Variants in GLS observed in about 807,000 individuals in gnomAD.
GLS encodes the protein glutaminase.
GLS carries 36 observed loss-of-function variants against 86.7 expected under a neutral mutation model. The observed-to-expected ratio is 0.42, with a 90% CI of 0.32 to 0.55. The LOEUF (loss-of-function observed/expected upper bound fraction) is 0.55. GLS is among the 20% of genes least tolerant of loss of function. GLS has a pLI of 0.17. For missense variants in GLS, 528 were observed against 833.4 expected (o/e 0.63, Z 4.51); for synonymous variants, 317 against 305.9 (o/e 1.04, Z -0.38).
intron 14 of GLS, among the ~76,000 whole-genome samples, chr2:190,940,783 C>T (rs560589483): frequency 1.3e-5 from 2 of 150,858 alleles, no homozygotes; most frequent in South Asian, 4.2e-4. Flanking sequence ...ATTTTGTTCT[C>T]CTCATGTTGT....
chr2:190,937,666 T>C (rs191303345), intron 14 of GLS, among the ~76,000 whole-genome samples: 2 of 151,234 alleles, frequency 1.3e-5, no homozygotes, highest in South Asian at 2.1e-4. Flanking sequence ...GTAGATCTAC[T>C]TTAGTAATTT....
chr2:190,951,162 T>C lies in GLS; in HGVS notation c.1651-2403T>C, dbSNP rs968416133. ...GTAGTATTTGGCAGTGGAAAGTGGG[T>C]AATGAATCTGCAAAGCAGCAAACAG... On this transcript the variant is annotated intron_variant, in intron 14 of 17. Transcript: ENST00000320717. This position sits in a 1 kb window ranked among gnomAD's most constrained non-coding sequence, Gnocchi z 4.2. 7.2e-5 allele frequency among the ~76,000 whole-genome samples: 11 copies of C among 152,092 alleles called. No individual in the cohort carries two copies. Among genetic ancestry groups the C allele is most frequent in the Admixed American group, 4.6e-4 (7 of 15,256 alleles).
rs746633427 is a variant in GLS at position 190,900,576 on chromosome 2, C to T, written c.618C>T (p.Ser206=). 14 of 1,598,168 alleles carry T rather than the reference C, an allele frequency of 8.8e-6. No homozygotes were observed. The highest frequency in any genetic ancestry group is 6.7e-5 in the Admixed American group (4 of 59,786). ...DKDLFKKCVQ[S]NIVLLTQAFR... ...TTACATTCTACAGATGTGTTCAGAG[C>T]AACATTGTTTTGTTGACACAAGCAT... is the stretch of plus-strand genomic sequence containing the variant. Residue 206 remains serine, a synonymous_variant, in exon 4 of 18, where the codon AGC becomes AGT. Transcript: ENST00000320717.
chr2:190,950,939 A>G (rs1287262051), intron 14 of GLS, among the ~76,000 whole-genome samples: 1 of 152,222 alleles, frequency 6.6e-6, no homozygotes, highest in East Asian at 1.9e-4. Context: ...GCAGATGGCT[A>G]TGAACTGGAG....
At chr2:190,946,700 C>A (rs562570271) in intron 14 of GLS, among the ~76,000 whole-genome samples, 2 of 152,256 alleles carry the variant, frequency 1.3e-5, no homozygotes, top group African/African-American at 4.8e-5. Context: ...TTCTCCCTTT[C>A]TTCCTTTTCT....
At chr2:190,903,898 T>A (rs1295481392) in intron 5 of GLS, among the ~76,000 whole-genome samples, 2 of 152,222 alleles carry the variant, frequency 1.3e-5, no homozygotes. Flanking sequence ...TTGTGATGTG[T>A]TGGGACATTG....
rs1232641612 is a variant in GLS, at chr2:190,956,409, T to C, written c.1853+1591T>C. On this transcript the variant is annotated intron_variant, in intron 17 of 17. Coordinates refer to ENST00000320717, the MANE Select transcript of GLS (RefSeq NM_014905.5). This position sits in a 1 kb window ranked among gnomAD's most constrained non-coding sequence, Gnocchi z 4.2. ...TCAGGTTTGTCAAAGATCAGATGGT[T>C]GTAGATGTGTGCTGTTATTTCTGAG... 6.6e-6 allele frequency among the ~76,000 whole-genome samples: 1 copy of C among 152,200 alleles called. No individual in the cohort carries two copies. Among genetic ancestry groups the C allele is most frequent in the Non-Finnish European group, 1.5e-5 (1 of 68,042 alleles).
At position 190,962,822 on chromosome 2, in the gene GLS, G is replaced by A. The variant is rs143643056; in HGVS notation, c.1854-8G>A. On this transcript the variant is annotated splice_polypyrimidine_tract_variant and splice_region_variant and intron_variant, in intron 17 of 17. Transcript: ENST00000320717. The surrounding 1 kb of genome is among the most constrained non-coding windows in gnomAD (Gnocchi z 4.2). ...AATGACCCTGTCCATGCTGTGCTACGTGTTTAGGTGGAATAACACTCCCAT... is the reference window on the plus strand; with the variant it reads ...AATGACCCTGTCCATGCTGTGCTACATGTTTAGGTGGAATAACACTCCCAT... 2.1e-4 allele frequency: 316 copies of A among 1,505,894 alleles called. No individual in the cohort carries two copies. The highest frequency in any genetic ancestry group is 2.6e-4 in the Non-Finnish European group (298 of 1,128,860). 93.3% of individuals were successfully genotyped at this position (1,505,894 alleles called of 1,614,324 possible). A position where few individuals can be genotyped will look rare whatever the true frequency, so the allele number is the denominator to read the frequency against.
Position 190,920,716 on chromosome 2 carries a change from A to G in GLS, c.1039-308A>G, listed in dbSNP as rs1689702340. On this transcript the variant is annotated intron_variant, in intron 7 of 17. Coordinates refer to ENST00000320717, the MANE Select transcript of GLS (RefSeq NM_014905.5). The surrounding 1 kb of genome is among the most constrained non-coding windows in gnomAD (Gnocchi z 4.2). Reference sequence around the variant, plus strand: ...AATAAATAACACATTTTAGCAAATTATGTGCTGTCATGAAAGATAAGGGAA... The same window carrying G: ...AATAAATAACACATTTTAGCAAATTGTGTGCTGTCATGAAAGATAAGGGAA... Among the ~76,000 whole-genome samples the G allele has an allele frequency of 6.6e-6, 1 of 151,768 alleles. No individual in the cohort carries two copies. The highest frequency in any genetic ancestry group is 6.6e-5 in the Admixed American group (1 of 15,250).
Position 190,962,120 on chromosome 2 carries a change from C to G in GLS, c.1854-710C>G, listed in dbSNP as rs1314335559. On this transcript the variant is annotated intron_variant, in intron 17 of 17. Coordinates refer to ENST00000320717, the MANE Select transcript of GLS (RefSeq NM_014905.5). The surrounding 1 kb of genome is among the most constrained non-coding windows in gnomAD (Gnocchi z 4.2). Reference sequence around the variant, plus strand: ...ACCACTTCTGGCAAGTGATTAACCACTTCTGGCAACTCTTCATTTCTTCTT... The same window carrying G: ...ACCACTTCTGGCAAGTGATTAACCAGTTCTGGCAACTCTTCATTTCTTCTT... Among the ~76,000 whole-genome samples, 2 of 152,232 alleles carry G rather than the reference C, an allele frequency of 1.3e-5. No homozygotes were observed. The highest frequency in any genetic ancestry group is 1.9e-4 in the East Asian group (1 of 5,196).
At chr2:190,931,919 T>TTAAGTGACA (rs1379669603) in intron 14 of GLS, among the ~76,000 whole-genome samples, 1 of 152,016 alleles carries the variant, frequency 6.6e-6, no homozygotes, top group South Asian at 2.1e-4. Context: ...CCTTCCATTT[T>TTAAGTGACA]CTGCTATTTT....
rs1469022574 is a variant in GLS at position 190,956,548 on chromosome 2, T to C, written c.1853+1730T>C. Among the ~76,000 whole-genome samples the C allele has an allele frequency of 1.3e-5, 2 of 152,190 alleles. No individual in the cohort carries two copies. The highest frequency in any genetic ancestry group is 4.8e-5 in the African/African-American group (2 of 41,442). On this transcript the variant is annotated intron_variant, in intron 17 of 17. Coordinates refer to ENST00000320717, the MANE Select transcript of GLS (RefSeq NM_014905.5). The surrounding 1 kb of genome is among the most constrained non-coding windows in gnomAD (Gnocchi z 4.2). Reference sequence around the variant, plus strand: ...AGTCAGGTAGCGTGATGCCTCCAGCTTTCTTCTTTTTGCTTAGGATCGTCT... The same window carrying C: ...AGTCAGGTAGCGTGATGCCTCCAGCCTTCTTCTTTTTGCTTAGGATCGTCT...
rs528129991 is a variant in GLS at position 190,905,521 on chromosome 2, G to A, written c.979+354G>A. On this transcript the variant is annotated intron_variant, in intron 6 of 17. Coordinates refer to ENST00000320717, the MANE Select transcript of GLS (RefSeq NM_014905.5). This position sits in a 1 kb window ranked among gnomAD's most constrained non-coding sequence, Gnocchi z 4.6. ...GGTAATTATTGCAGCTAAATGATAGGTGCATGGGTGTTTGTATATTATTCT... is the reference window on the plus strand; with the variant it reads ...GGTAATTATTGCAGCTAAATGATAGATGCATGGGTGTTTGTATATTATTCT... Among the ~76,000 whole-genome samples, 10 of 152,156 alleles carry A rather than the reference G, an allele frequency of 6.6e-5. No homozygotes were observed. The East Asian group carries it at 1.7e-3, about 26-fold the overall frequency.
chr2:190,953,950 ATGTG>A lies in GLS; in HGVS notation c.1712+367_1712+370del, dbSNP rs57991546. Among the ~76,000 whole-genome samples the A allele has an allele frequency of 0.099, 13,486 of 136,566 alleles. 601 individuals carry two copies. Among genetic ancestry groups the A allele is most frequent in the Middle Eastern group, 0.17 (47 of 272 alleles). 89.6% of individuals were successfully genotyped at this position (136,566 alleles called of 152,430 possible). ...CTACCCTCCATTCCCAATCTTTGAT[ATGTG>A]TGTGTGTGTGTGTGTGTGTGTGTGT... is the stretch of plus-strand genomic sequence containing the variant. On this transcript the variant is annotated intron_variant, in intron 15 of 17. Coordinates refer to ENST00000320717, the MANE Select transcript of GLS (RefSeq NM_014905.5). This position sits in a 1 kb window ranked among gnomAD's most constrained non-coding sequence, Gnocchi z 4.0.
intron 14 of GLS, among the ~76,000 whole-genome samples, chr2:190,940,571 T>C (rs1216502714): frequency 6.6e-6 from 1 of 152,064 alleles, no homozygotes; most frequent in Admixed American, 6.5e-5. Context: ...GCTTCTCTTC[T>C]AGAATTGCTT....
chr2:190,960,775 A>G (rs1348261053), intron 17 of GLS, among the ~76,000 whole-genome samples: 1 of 152,146 alleles, frequency 6.6e-6, no homozygotes, highest in Non-Finnish European at 1.5e-5. Flanking sequence ...AATGTTAGCA[A>G]TTTTGTAAGT....
chr2:190,926,427 C>T (rs1689897905), intron 11 of GLS, among the ~76,000 whole-genome samples: 1 of 152,102 alleles, frequency 6.6e-6, no homozygotes, highest in African/African-American at 2.4e-5. Context: ...TTGCTATTTC[C>T]AAACCCCTTT....
intron 17 of GLS, among the ~76,000 whole-genome samples, chr2:190,958,048 C>T (rs920417269): frequency 3.9e-5 from 6 of 152,110 alleles, no homozygotes; most frequent in East Asian, 1.9e-4. Flanking sequence ...AGACTTTTTT[C>T]GGTTGGTAGG....
Position 190,905,648 on chromosome 2 carries a change from T to C in GLS, c.979+481T>C, listed in dbSNP as rs1267463897. ...TGAGTGTTTTTACTTTTTATCCTTA[T>C]AACATTAAAAAATTTGAAAGAAATG... On this transcript the variant is annotated intron_variant, in intron 6 of 17. Coordinates refer to ENST00000320717, the MANE Select transcript of GLS (RefSeq NM_014905.5). This position sits in a 1 kb window ranked among gnomAD's most constrained non-coding sequence, Gnocchi z 4.6. Among the ~76,000 whole-genome samples, 3 of 152,114 alleles carry C rather than the reference T, an allele frequency of 2.0e-5. No individual in the cohort carries two copies. Among genetic ancestry groups the C allele is most frequent in the African/African-American group, 7.2e-5 (3 of 41,446 alleles).
Sources: allele counts gnomAD v4.1 joint callset (sites outside exome capture counted in the v4.1 genomes callset), GRCh38; gene constraint gnomAD v4.1.1; non-coding constraint Gnocchi (gnomAD v3.1); transcripts MANE v1.5; gene names NCBI Gene and HGNC (gene_info 2026-07-23, HGNC 2026-07-21).